NREP: variants seen among roughly 807,000 people sequenced by gnomAD.
NREP encodes neuronal regeneration related protein.
A neutral mutation model predicts 8.6 loss-of-function variants in NREP; 5 were observed. The observed-to-expected ratio is 0.58, with a 90% CI of 0.30 to 1.22. NREP has a LOEUF of 1.22. NREP is among the 50% of genes most tolerant of loss of function. The pLI is 0.07. For synonymous variants in NREP, 27 were observed against 28.0 expected (o/e 0.96, Z 0.11); for missense variants, 86 against 82.5 (o/e 1.04, Z -0.17).
intron 2 of NREP, among the ~76,000 whole-genome samples, chr5:111,965,528 A>G (rs976059385): frequency 3.3e-5 from 5 of 152,160 alleles, no homozygotes; most frequent in African/African-American, 1.2e-4. Flanking sequence ...CCATCCCATA[A>G]GCTCACCATT....
chr5:111,826,530 T>C (rs544046074), intron 2 of NREP, among the ~76,000 whole-genome samples: 1 of 152,272 alleles, frequency 6.6e-6, no homozygotes, highest in East Asian at 1.9e-4. Context: ...TCCAGACGCA[T>C]CTGAACATCT....
At chr5:111,958,738 GC>G (rs914399608) in intron 2 of NREP, among the ~76,000 whole-genome samples, 53 of 151,994 alleles carry the variant, frequency 3.5e-4, no homozygotes, top group African/African-American at 1.2e-3. Context: ...ATGATTTTAT[GC>G]AATTCCAATC....
intron 2 of NREP, among the ~76,000 whole-genome samples, chr5:111,805,409 C>T (rs1300962207): frequency 6.6e-6 from 1 of 152,132 alleles, no homozygotes; most frequent in African/African-American, 2.4e-5. Flanking sequence ...TTGAAAACAA[C>T]CTAAATGCCC....
At chr5:111,885,260 A>C (rs1217352042) in intron 2 of NREP, among the ~76,000 whole-genome samples, 6 of 151,618 alleles carry the variant, frequency 4.0e-5, no homozygotes, top group African/African-American at 9.7e-5. Flanking sequence ...TAGGAATCCA[A>C]CTTACAAGGG....
chr5:111,895,790 G>C (rs1754495985), intron 2 of NREP, among the ~76,000 whole-genome samples: 1 of 152,100 alleles, frequency 6.6e-6, no homozygotes, highest in African/African-American at 2.4e-5. Context: ...AATATTTCCA[G>C]ATATCACCAA....
chr5:111,777,692 G>A (rs971256658), intron 2 of NREP, among the ~76,000 whole-genome samples: 1 of 152,050 alleles, frequency 6.6e-6, no homozygotes, highest in East Asian at 1.9e-4. Flanking sequence ...AGTGATCTAA[G>A]GAAGAAAAAG....
At chr5:111,760,322 A>G (rs891047190), upstream of NREP, among the ~76,000 whole-genome samples, 2 of 152,230 alleles carry the variant, frequency 1.3e-5, no homozygotes, top group African/African-American at 4.8e-5. Context: ...TCTAACAATC[A>G]GATCCATCTC....
At chr5:111,946,878 T>C (rs1371004320) in intron 2 of NREP, among the ~76,000 whole-genome samples, 1 of 152,012 alleles carries the variant, frequency 6.6e-6, no homozygotes, top group Admixed American at 6.6e-5. Context: ...TTCTTCCAGT[T>C]TTGTAGTCAA....
chr5:111,752,706 T>G (rs556848763), intron 2 of NREP, among the ~76,000 whole-genome samples: 5 of 152,204 alleles, frequency 3.3e-5, no homozygotes, highest in Non-Finnish European at 5.9e-5. Context: ...AGAACTTATA[T>G]TGTTCCAATT....
intron 2 of NREP, among the ~76,000 whole-genome samples, chr5:111,844,515 T>C (rs1753109957): frequency 6.6e-6 from 1 of 151,312 alleles, no homozygotes; most frequent in Non-Finnish European, 1.5e-5. Flanking sequence ...ATTTCTTACA[T>C]ATGGAAAGGT....
chr5:111,839,875 G>GA, intron 2 of NREP, among the ~76,000 whole-genome samples: 1 of 152,104 alleles, frequency 6.6e-6, no homozygotes, highest in South Asian at 2.1e-4. Flanking sequence ...AGACTCTGTA[G>GA]AACTGGTAGG....
chr5:111,964,473 C>T lies in NREP; in HGVS notation c.135+10801G>A, dbSNP rs146801702. On this transcript the variant is annotated intron_variant, in intron 2 of 3. Transcript: ENST00000395634. ...ACCTCGCCTCCTGTGTTCAAGCAAT[C>T]CTCCTGCCTCAGCCACCTGAGAAGC... Among the ~76,000 whole-genome samples the T allele has an allele frequency of 2.1e-3, 315 of 152,194 alleles. 1 individual carries two copies. Among genetic ancestry groups the T allele is most frequent in the Middle Eastern group, 0.01 (3 of 294 alleles).
chr5:111,897,375 C>T (rs1754536155), intron 2 of NREP, among the ~76,000 whole-genome samples: 1 of 152,170 alleles, frequency 6.6e-6, no homozygotes, highest in Non-Finnish European at 1.5e-5. Flanking sequence ...AGGCAACTCA[C>T]ACTATATGTG....
intron 2 of NREP, among the ~76,000 whole-genome samples, chr5:111,895,688 G>A (rs967367136): frequency 2.6e-5 from 4 of 151,944 alleles, no homozygotes; most frequent in Non-Finnish European, 5.9e-5. Flanking sequence ...TGTGCTGCAG[G>A]GTGCTGTCCT....
chr5:111,933,411 A>G (rs181840494), intron 2 of NREP, among the ~76,000 whole-genome samples: 79 of 152,238 alleles, frequency 5.2e-4, no homozygotes, highest in African/African-American at 1.6e-3. Context: ...ATTATGGAAT[A>G]ATTTTTCAGT....
At chr5:111,734,877 T>C (rs1748959736) in intron 3 of NREP, 1 of 440,844 alleles carries the variant, frequency 2.3e-6, no homozygotes, top group Admixed American at 4.0e-5. Flanking sequence ...GTTTCAGAAA[T>C]TATGCTAAAA....
At chr5:111,894,828 A>G (rs1320811704) in intron 2 of NREP, among the ~76,000 whole-genome samples, 1 of 152,210 alleles carries the variant, frequency 6.6e-6, no homozygotes, top group Admixed American at 6.5e-5. Context: ...GAGGCTGTTC[A>G]TGTGAGGTGA....
At chr5:111,916,006 G>A (rs1472084913) in intron 2 of NREP, among the ~76,000 whole-genome samples, 1 of 152,060 alleles carries the variant, frequency 6.6e-6, no homozygotes, top group Non-Finnish European at 1.5e-5. Flanking sequence ...TCTGCTCTAT[G>A]CAGAACATTT....
chr5:111,903,730 C>T (rs1326129882), intron 2 of NREP, among the ~76,000 whole-genome samples: 1 of 152,038 alleles, frequency 6.6e-6, no homozygotes, highest in African/African-American at 2.4e-5. Context: ...ACATGCTTAT[C>T]TCTTATTAAA....
Sources: allele counts gnomAD v4.1 joint callset (sites outside exome capture counted in the v4.1 genomes callset), GRCh38; gene constraint gnomAD v4.1.1; transcripts MANE v1.5; gene names NCBI Gene and HGNC (gene_info 2026-07-23, HGNC 2026-07-21).